Variants in TENM1 observed in about 807,000 individuals in gnomAD.
TENM1 encodes the protein teneurin-1.
Under a neutral mutation model 174.8 loss-of-function variants are expected in TENM1, and 35 were observed. The ratio of observed to expected loss-of-function variants is 0.20; its 90% CI spans 0.15 to 0.27. The LOEUF (loss-of-function observed/expected upper bound fraction) is 0.27. Ranked by LOEUF, TENM1 falls within the 10% of genes least tolerant of loss-of-function variation. The probability of loss-of-function intolerance (pLI) is 1.00; values close to 1 mark genes in which losing one functional copy is unlikely to be tolerated. For synonymous variants in TENM1, 781 were observed against 798.7 expected (o/e 0.98, Z 0.37); for missense variants, 1,633 against 2,130.1 (o/e 0.77, Z 4.59).
chrX:124,800,815 G>A (rs1355864879), intron 3 of TENM1, among the ~76,000 whole-genome samples: 4 of 111,692 alleles, frequency 3.6e-5, no homozygotes, highest in African/African-American at 1.3e-4. Context: ...GTTCTAATAG[G>A]TTTCACAGAA....
chrX:124,739,534 C>A (rs1165941894), intron 3 of TENM1, among the ~76,000 whole-genome samples: 2 of 111,616 alleles, frequency 1.8e-5, no homozygotes, highest in African/African-American at 3.3e-5. Flanking sequence ...AACAGATAGA[C>A]TGAACTTAAA....
intron 1 of TENM1, among the ~76,000 whole-genome samples, chrX:124,943,168 A>C (rs2058355252): frequency 9.0e-6 from 1 of 111,578 alleles, no homozygotes; most frequent in Non-Finnish European, 1.9e-5. Context: ...GAGGTCATTC[A>C]GTGAGTGAAA....
At chrX:124,995,006 T>C in the TENM1 span, among the ~76,000 whole-genome samples, 1 of 110,847 alleles carries the variant, frequency 9.0e-6, no homozygotes, top group African/African-American at 3.3e-5. Context: ...TTGTGCCATT[T>C]GCCTCTCCAC....
At chrX:124,722,152 T>TA (rs1416083753) in intron 4 of TENM1, among the ~76,000 whole-genome samples, 1 of 112,169 alleles carries the variant, frequency 8.9e-6, no homozygotes, top group Non-Finnish European at 1.9e-5. Context: ...GTGAGAAAAA[T>TA]ATCAGATTGT....
intron 4 of TENM1, among the ~76,000 whole-genome samples, chrX:124,714,388 A>G: frequency 8.9e-6 from 1 of 112,382 alleles, no homozygotes; most frequent in Non-Finnish European, 1.9e-5. Context: ...CATGCCTACA[A>G]TATCACTCAT....
At chrX:124,631,399 A>T (rs1463085213) in intron 11 of TENM1, among the ~76,000 whole-genome samples, 2 of 111,519 alleles carry the variant, frequency 1.8e-5, no homozygotes, top group Non-Finnish European at 3.8e-5. Context: ...TTATAAGATA[A>T]CAAAGGGAAA....
At chrX:124,522,703 TTG>T (rs1167490718) in intron 17 of TENM1, among the ~76,000 whole-genome samples, 13 of 107,405 alleles carry the variant, frequency 1.2e-4, no homozygotes, top group Admixed American at 9.9e-5. Flanking sequence ...TTTTTTTTTT[TTG>T]GAGACAGAGT....
chrX:124,934,656 A>T (rs2058219375), intron 1 of TENM1, among the ~76,000 whole-genome samples: 1 of 111,837 alleles, frequency 8.9e-6, no homozygotes, highest in South Asian at 3.8e-4. Flanking sequence ...GTGGTGCAGC[A>T]GATCAGAGTG....
chrX:124,850,693 A>G lies in TENM1; in HGVS notation c.535+43603T>C, dbSNP rs1313579821. 5.4e-5 allele frequency among the ~76,000 whole-genome samples: 6 copies of G among 111,059 alleles called. No individual in the cohort carries two copies. The Admixed American group carries it at 5.7e-4, about 11-fold the overall frequency. On this transcript the variant is annotated intron_variant, in intron 3 of 31. Coordinates refer to ENST00000422452, the Ensembl canonical transcript of TENM1. Reference sequence around the variant, plus strand: ...ACAAATTAAAGTCCTACCACAAAGCATTTGTACAATGTGCCATGCCAGAAA... The same window carrying G: ...ACAAATTAAAGTCCTACCACAAAGCGTTTGTACAATGTGCCATGCCAGAAA...
At chrX:125,147,132 CATATGTGTGTATATATATCACAT>C in the TENM1 span, among the ~76,000 whole-genome samples, 5,110 of 107,318 alleles carry the variant, frequency 0.048, 151 homozygotes, top group Middle Eastern at 0.078. Flanking sequence ...TATATACACA[CATATGTGTGTATATATATCACAT>C]ATATGTGTGT....
rs1266439180 is a variant in TENM1 at position 124,440,112 on chromosome X, GTTTGGCTCTCC to G, written c.4104+13214_4104+13224del. On this transcript the variant is annotated intron_variant, in intron 23 of 31. Transcript: ENST00000422452. Reference sequence around the variant, plus strand: ...TCCTCTATTAAAGGATTAGAGAAAGGTTTGGCTCTCCTTTGCCGTTCCAGAAGGTGTTTTTC... The same window carrying G: ...TCCTCTATTAAAGGATTAGAGAAAGGTTTGCCGTTCCAGAAGGTGTTTTTC... Among the ~76,000 whole-genome samples, 16 of 111,952 alleles carry G rather than the reference GTTTGGCTCTCC, an allele frequency of 1.4e-4. No homozygotes were observed. In the Admixed American group the frequency reaches 1.5e-3, roughly 11 times the overall value.
the TENM1 span, among the ~76,000 whole-genome samples, chrX:125,124,332 C>A: frequency 2.7e-5 from 3 of 111,705 alleles, no homozygotes; most frequent in African/African-American, 9.8e-5. Context: ...AATTTAGTGA[C>A]GTGCTTTTTG....
chrX:124,731,722 A>G (rs189307378), intron 4 of TENM1, among the ~76,000 whole-genome samples: 5 of 112,263 alleles, frequency 4.5e-5, no homozygotes, highest in African/African-American at 1.6e-4. Context: ...AGAACAAGTT[A>G]TGTTAGACAA....
chrX:125,051,998 G>C, the TENM1 span, among the ~76,000 whole-genome samples: 1 of 110,293 alleles, frequency 9.1e-6, no homozygotes, highest in Non-Finnish European at 1.9e-5. Context: ...AAATTTACAA[G>C]AAAAAAACAA....
chrX:124,484,840 A>ATT (rs11378666), intron 21 of TENM1, among the ~76,000 whole-genome samples: 4 of 109,847 alleles, frequency 3.6e-5, no homozygotes, highest in African/African-American at 1.3e-4. Context: ...TGTAAGCACT[A>ATT]TTTTTTTTCC....
chrX:124,768,975 T>C (rs2054592165), intron 3 of TENM1, among the ~76,000 whole-genome samples: 1 of 112,372 alleles, frequency 8.9e-6, no homozygotes, highest in Non-Finnish European at 1.9e-5. Flanking sequence ...TATTTTGAGA[T>C]ATTAGCAGGT....
chrX:124,796,995 A>C (rs187656873), intron 3 of TENM1, among the ~76,000 whole-genome samples: 1 of 111,869 alleles, frequency 8.9e-6, no homozygotes, highest in Non-Finnish European at 1.9e-5. Flanking sequence ...AATTTGAATC[A>C]ATTTATCTAG....
chrX:125,179,776 C>T, the TENM1 span, among the ~76,000 whole-genome samples: 112 of 110,023 alleles, frequency 1.0e-3, no homozygotes, highest in African/African-American at 3.5e-3. Flanking sequence ...ATGTAGGATC[C>T]AGCAATTTGT....
chrX:124,623,519 A>G (rs12853022), intron 11 of TENM1, among the ~76,000 whole-genome samples: 1 of 111,555 alleles, frequency 9.0e-6, no homozygotes, highest in African/African-American at 3.3e-5. Flanking sequence ...TCTAAGAATT[A>G]CTTTACTAAC....
Sources: gnomAD v4.1 joint callset for allele counts (sites outside exome capture counted in the v4.1 genomes callset) on GRCh38, gnomAD v4.1.1 for gene constraint, MANE v1.5 for transcripts, NCBI Gene and HGNC (gene_info 2026-07-23, HGNC 2026-07-21) for gene names.